Variants in SYNE3 observed in about 807,000 individuals in gnomAD.
SYNE3 encodes spectrin repeat containing nuclear envelope family member 3, also known as nesprin-3.
SYNE3 carries 100 observed loss-of-function variants against 111.2 expected under a neutral mutation model. The ratio of observed to expected loss-of-function variants is 0.90; its 90% CI spans 0.77 to 1.06. The LOEUF (loss-of-function observed/expected upper bound fraction) is 1.06, where lower values mean the gene tolerates loss of function less well. SYNE3 is among the 50% of genes least tolerant of loss of function. The pLI, the probability that SYNE3 is intolerant of heterozygous loss-of-function variation, is 0.00. For missense variants in SYNE3, 1,160 were observed against 1,240.3 expected (o/e 0.94, Z 0.97); for synonymous variants, 547 against 533.9 (o/e 1.02, Z -0.34).
At chr14:95,490,872 C>G (rs930440673) in intron 1 of SYNE3, among the ~76,000 whole-genome samples, 1 of 152,258 alleles carries the variant, frequency 6.6e-6, no homozygotes, top group Non-Finnish European at 1.5e-5. Flanking sequence ...TACCAGCCAG[C>G]ATGCCCCACT....
intron 17 of SYNE3, among the ~76,000 whole-genome samples, chr14:95,426,583 CA>C (rs954510603): frequency 1.8e-4 from 27 of 149,190 alleles, no homozygotes; most frequent in Admixed American, 8.0e-4. Flanking sequence ...GGGATTTTTG[CA>C]AAAAAAAATC....
At position 95,468,551 on chromosome 14, in the gene SYNE3, T is replaced by C. The variant is rs143786365; in HGVS notation, c.145-584A>G. On this transcript the variant is annotated intron_variant, in intron 2 of 17. Transcript: ENST00000682763. ...CTGAAGCAGCTCCCTTCCTGGGAGA[T>C]GCTGAGTGAGTGACTGTAACTCACA... Among the ~76,000 whole-genome samples, 105 of 152,228 alleles carry C rather than the reference T, an allele frequency of 6.9e-4. 1 individual carries two copies. Among genetic ancestry groups the C allele is most frequent in the Non-Finnish European group, 1.3e-3 (86 of 68,000 alleles).
At position 95,467,913 on chromosome 14, in the gene SYNE3, T is replaced by C; in HGVS notation, c.199A>G (p.Met67Val). ...CAGCATGCCAAGAGGGCTTCAGCCA[T>C]CCGTAGCACGAGGTCCACCCTCACA... ...GRVRVDLVLR[M>V]AEALLACCPG... Residue 67 changes from methionine to valine, a missense_variant, in exon 3 of 18, where the codon ATG becomes GTG. Coordinates refer to ENST00000682763, the MANE Select transcript of SYNE3 (RefSeq NM_152592.6). The C allele has an allele frequency of 6.2e-7, 1 of 1,614,138 alleles. No individual in the cohort carries two copies. The highest frequency in any genetic ancestry group is 8.5e-7 in the Non-Finnish European group (1 of 1,179,996).
Position 95,444,652 on chromosome 14 carries a change from C to T in SYNE3, c.1633-24G>A, listed in dbSNP as rs368339780. On this transcript the variant is annotated intron_variant, in intron 9 of 17. Transcript: ENST00000682763. The stretch of plus-strand genomic sequence containing the variant: ...CTCTGCAGAGACACAGGACAGTGTG[C>T]ACATTAAGAGCGTTCCTCATGAGCA... 3.5e-5 allele frequency: 54 copies of T among 1,557,548 alleles called. No individual in the cohort carries two copies. In the African/African-American group the frequency reaches 6.1e-4, roughly 18 times the overall value.
chr14:95,484,931 G>C (rs1481119343), intron 1 of SYNE3, among the ~76,000 whole-genome samples: 1 of 152,170 alleles, frequency 6.6e-6, no homozygotes, highest in Non-Finnish European at 1.5e-5. Context: ...GAGACACCTG[G>C]GGGTCTTGTT....
At chr14:95,425,273 A>G (rs1885369826) in intron 17 of SYNE3, among the ~76,000 whole-genome samples, 1 of 152,082 alleles carries the variant, frequency 6.6e-6, no homozygotes, top group South Asian at 2.1e-4. Context: ...AAAAGAAAAA[A>G]GAAATGAGCT....
chr14:95,465,554 C>T (rs946472224), intron 4 of SYNE3, among the ~76,000 whole-genome samples: 2 of 151,546 alleles, frequency 1.3e-5, no homozygotes, highest in African/African-American at 2.4e-5. Flanking sequence ...AATGCGTGGG[C>T]GATTAAGTGG....
chr14:95,423,346 C>A (rs1429284581), intron 17 of SYNE3, among the ~76,000 whole-genome samples: 1 of 152,220 alleles, frequency 6.6e-6, no homozygotes, highest in Non-Finnish European at 1.5e-5. Flanking sequence ...TTCCCTTCTG[C>A]ACCTTTCCTT....
chr14:95,424,467 T>G (rs1885326191), intron 17 of SYNE3, among the ~76,000 whole-genome samples: 2 of 152,170 alleles, frequency 1.3e-5, no homozygotes, highest in Non-Finnish European at 2.9e-5. Flanking sequence ...AGGCATTGTA[T>G]TTCTAGTGCC....
At chr14:95,464,526 A>G (rs745725816) in intron 4 of SYNE3, among the ~76,000 whole-genome samples, 6 of 152,364 alleles carry the variant, frequency 3.9e-5, no homozygotes, top group South Asian at 2.1e-4. Context: ...AAAAACAAAC[A>G]AACAAAAAAA....
At chr14:95,427,260 T>TA (rs1486361797) in intron 17 of SYNE3, among the ~76,000 whole-genome samples, 1 of 152,244 alleles carries the variant, frequency 6.6e-6, no homozygotes, top group South Asian at 2.1e-4. Context: ...GGTCTAGCGG[T>TA]AGCTTCAGTG....
chr14:95,497,752 C>T (rs186106341), intron 1 of SYNE3, among the ~76,000 whole-genome samples: 1 of 126,918 alleles, frequency 7.9e-6, no homozygotes, highest in African/African-American at 3.0e-5. Context: ...AATAAATGAG[C>T]ATGACTGCGT....
intron 1 of SYNE3, among the ~76,000 whole-genome samples, chr14:95,515,675 A>G (rs538882621): frequency 1.1e-4 from 16 of 151,962 alleles, no homozygotes; most frequent in African/African-American, 3.6e-4. Context: ...CCTTGGCTGT[A>G]GAAAGCCCCC....
chr14:95,428,686 TG>T (rs1319518468), intron 17 of SYNE3, among the ~76,000 whole-genome samples: 1 of 152,208 alleles, frequency 6.6e-6, no homozygotes, highest in East Asian at 1.9e-4. Context: ...GCAATATAGT[TG>T]ACTCACAGCA....
Position 95,432,364 on chromosome 14 carries a change from A to G in SYNE3, c.2689-247T>C, listed in dbSNP as rs555001283. The stretch of plus-strand genomic sequence containing the variant: ...CCAAGGCCGGCGGGGGCCATGGCCA[A>G]CCTGGCTTGGGCTGGGCTGACACCT... On this transcript the variant is annotated intron_variant, in intron 16 of 17. Coordinates refer to ENST00000682763, the MANE Select transcript of SYNE3 (RefSeq NM_152592.6). Among the ~76,000 whole-genome samples the G allele has an allele frequency of 3.9e-5, 6 of 152,280 alleles. No individual in the cohort carries two copies. The East Asian group carries it at 7.8e-4, about 20-fold the overall frequency.
At chr14:95,448,269 G>A (rs1377913158) in intron 8 of SYNE3, among the ~76,000 whole-genome samples, 1 of 151,770 alleles carries the variant, frequency 6.6e-6, no homozygotes, top group African/African-American at 2.4e-5. Flanking sequence ...TGACACATAT[G>A]AAATTCACTC....
At chr14:95,464,272 A>C (rs78735473) in intron 4 of SYNE3, among the ~76,000 whole-genome samples, 2 of 152,172 alleles carry the variant, frequency 1.3e-5, no homozygotes, top group Non-Finnish European at 2.9e-5. Flanking sequence ...AGAAGTAAAG[A>C]TGCCCGGGAA....
intron 1 of SYNE3, among the ~76,000 whole-genome samples, chr14:95,478,754 C>T (rs775322433): frequency 6.6e-6 from 1 of 152,190 alleles, no homozygotes; most frequent in African/African-American, 2.4e-5. Flanking sequence ...CTTGCTTTTA[C>T]GACCCTTTGA....
chr14:95,428,965 C>A (rs375477019), intron 17 of SYNE3, among the ~76,000 whole-genome samples: 5 of 152,232 alleles, frequency 3.3e-5, no homozygotes, highest in South Asian at 2.1e-4. Flanking sequence ...TCCCCTTAGA[C>A]CAAAAATAAT....
Sources: allele counts gnomAD v4.1 joint callset (sites outside exome capture counted in the v4.1 genomes callset), GRCh38; gene constraint gnomAD v4.1.1; transcripts MANE v1.5; gene names NCBI Gene and HGNC (gene_info 2026-07-23, HGNC 2026-07-21).